Variants in PNKD observed in about 807,000 individuals in gnomAD.
PNKD encodes PNKD metallo-beta-lactamase domain containing.
PNKD carries 36 observed loss-of-function variants against 45.3 expected under a neutral mutation model. The ratio of observed to expected loss-of-function variants is 0.80; its 90% confidence interval spans 0.61 to 1.05. The LOEUF (loss-of-function observed/expected upper bound fraction) is 1.05, where lower values mean the gene tolerates loss of function less well. PNKD is among the 50% of genes least tolerant of loss of function. The pLI is 0.00. For missense variants in PNKD, 511 were observed against 506.6 expected (o/e 1.01, Z -0.08); for synonymous variants, 197 against 210.1 (o/e 0.94, Z 0.54).
intron 2 of PNKD, among the ~76,000 whole-genome samples, chr2:218,298,586 T>C (rs78757285): frequency 0.037 from 5,599 of 152,284 alleles, 115 homozygotes; most frequent in African/African-American, 0.048. Context: ...TTATTGTTGT[T>C]TGTGAGATAG....
At chr2:218,301,641 G>A (rs921081535) in intron 2 of PNKD, among the ~76,000 whole-genome samples, 2 of 152,108 alleles carry the variant, frequency 1.3e-5, no homozygotes, top group Admixed American at 1.3e-4. Flanking sequence ...TAAAACATTA[G>A]CTGGGCATGG....
chr2:218,288,830 A>G (rs1207651309), intron 2 of PNKD, among the ~76,000 whole-genome samples: 1 of 152,070 alleles, frequency 6.6e-6, no homozygotes, highest in Admixed American at 6.6e-5. Flanking sequence ...GAGGGAAGGA[A>G]ATTGTCAAAA....
intron 2 of PNKD, among the ~76,000 whole-genome samples, chr2:218,281,737 G>C (rs77010107): frequency 0.033 from 5,047 of 152,316 alleles, 85 homozygotes; most frequent in African/African-American, 0.039. Flanking sequence ...TTGAACAAAG[G>C]GGGCAGCAAG....
chr2:218,277,726 G>A lies in PNKD; in HGVS notation c.236+6177G>A, dbSNP rs558025244. ...ACTTAAAAAGGAAGGAAGGCAGGGT[G>A]CTGGGGGAGTGGCCATGGTGGCCTC... On this transcript the variant is annotated intron_variant, in intron 2 of 9. Transcript: ENST00000273077. 6.8e-6 allele frequency: 11 copies of A among 1,609,270 alleles called. No individual in the cohort carries two copies. In the East Asian group the frequency reaches 1.1e-4, roughly 16 times the overall value.
At chr2:218,308,562 T>TC (rs1693489071) in intron 2 of PNKD, among the ~76,000 whole-genome samples, 1 of 151,694 alleles carries the variant, frequency 6.6e-6, no homozygotes, top group Non-Finnish European at 1.5e-5. Flanking sequence ...CAGTTTTGTG[T>TC]CCTATTTTTT....
intron 2 of PNKD, chr2:218,292,402 A>G (rs1692994339): frequency 1.3e-5 from 2 of 152,218 alleles, no homozygotes; most frequent in African/African-American, 2.4e-5. Flanking sequence ...TGGCCGCCCC[A>G]GCCCTGGACC....
chr2:218,331,335 A>G (rs1694312041), intron 2 of PNKD, among the ~76,000 whole-genome samples: 1 of 151,538 alleles, frequency 6.6e-6, no homozygotes, highest in African/African-American at 2.4e-5. Flanking sequence ...TGAACCCGGG[A>G]GGCGGTGGTT....
At chr2:218,309,137 C>T (rs1235197792) in intron 2 of PNKD, among the ~76,000 whole-genome samples, 1 of 151,894 alleles carries the variant, frequency 6.6e-6, no homozygotes, top group East Asian at 1.9e-4. Flanking sequence ...GTAGCTGGGA[C>T]TACAGGCACC....
chr2:218,283,911 A>C (rs1692269662), intron 2 of PNKD: 1 of 152,266 alleles, frequency 6.6e-6, no homozygotes. Context: ...TCACGCCTGT[A>C]ATCCCAGCAC....
chr2:218,344,383 G>A (rs983917214), intron 8 of PNKD, 72 bp from the exon 9 acceptor site: 6 of 1,136,880 alleles, frequency 5.3e-6, no homozygotes, highest in African/African-American at 1.5e-5. Flanking sequence ...TGGACCTGGG[G>A]CAGGGAAGAC....
At chr2:218,314,254 C>A (rs1421134337) in intron 2 of PNKD, among the ~76,000 whole-genome samples, 1 of 100,278 alleles carries the variant, frequency 1.0e-5, no homozygotes, top group Admixed American at 1.4e-4. Flanking sequence ...GAGACAGAGT[C>A]TCTGTCTCCC....
intron 2 of PNKD, chr2:218,278,192 G>A (rs1279433091): frequency 1.6e-6 from 1 of 618,048 alleles, no homozygotes; most frequent in African/African-American, 1.8e-5. Context: ...GAAACACCTG[G>A]ATTGGTTTGC....
At chr2:218,322,885 A>G (rs1484254646) in intron 2 of PNKD, among the ~76,000 whole-genome samples, 2 of 152,204 alleles carry the variant, frequency 1.3e-5, no homozygotes, top group African/African-American at 2.4e-5. Flanking sequence ...GACCCCGATG[A>G]TCTCTCAGGT....
chr2:218,295,249 T>C (rs1352412239), intron 2 of PNKD, among the ~76,000 whole-genome samples: 2 of 152,222 alleles, frequency 1.3e-5, no homozygotes, highest in African/African-American at 4.8e-5. Flanking sequence ...TAAGTAAGCT[T>C]TTATTGTCTG....
At chr2:218,280,141 C>G (rs1691732833) in intron 2 of PNKD, 1 of 1,592,422 alleles carries the variant, frequency 6.3e-7, no homozygotes, top group South Asian at 1.1e-5. Flanking sequence ...GGACAGATGA[C>G]ACTTGACTCA....
chr2:218,340,801 T>C lies in PNKD; in HGVS notation c.524+15T>C. ...CACAAGCACTGGTAAGGGGCTCCCGTCTTCCCTGGCCCACCCTTGTCCCAG... is the reference window on the plus strand; with the variant it reads ...CACAAGCACTGGTAAGGGGCTCCCGCCTTCCCTGGCCCACCCTTGTCCCAG... On this transcript the variant is annotated intron_variant, in intron 5 of 9. Transcript: ENST00000273077. The surrounding 1 kb of genome is among the most constrained non-coding windows in gnomAD (Gnocchi z 4.2). 1 of 1,610,590 alleles carries C rather than the reference T, an allele frequency of 6.2e-7. No homozygotes were observed. Among genetic ancestry groups the C allele is most frequent in the Non-Finnish European group, 8.5e-7 (1 of 1,176,736 alleles).
intron 2 of PNKD, among the ~76,000 whole-genome samples, chr2:218,304,547 T>G (rs1693360623): frequency 6.6e-6 from 1 of 152,180 alleles, no homozygotes; most frequent in African/African-American, 2.4e-5. Flanking sequence ...CCGGTAGCCT[T>G]GCAGAGCACT....
intron 2 of PNKD, among the ~76,000 whole-genome samples, chr2:218,313,876 CGTT>C (rs1693684597): frequency 6.8e-6 from 1 of 147,784 alleles, no homozygotes; most frequent in Non-Finnish European, 1.5e-5. Flanking sequence ...AATCAAATCT[CGTT>C]GTTTAACTGC....
Position 218,340,047 on chromosome 2 carries a change from T to A in PNKD, c.371T>A (p.Ile124Asn), listed in dbSNP as rs762861678. The A allele has an allele frequency of 6.2e-7, 1 of 1,612,778 alleles. No homozygotes were observed. The highest frequency in any genetic ancestry group is 1.3e-5 in the African/African-American group (1 of 74,968). ...TCCCCAGGAGTGAAGGTGCTTCCCATCCCTGTCCTCTCGGACAACTACAGC... is the reference window on the plus strand; with the variant it reads ...TCCCCAGGAGTGAAGGTGCTTCCCAACCCTGTCCTCTCGGACAACTACAGC... ...RLFNGVKVLP[I>N]PVLSDNYSYL... is the part of the protein sequence containing the mutation. Residue 124 changes from isoleucine (I) to asparagine (N), a missense_variant, in exon 4 of 10, where the codon ATC (isoleucine) becomes AAC (asparagine). Transcript: ENST00000273077. This position sits in a 1 kb window ranked among gnomAD's most constrained non-coding sequence, Gnocchi z 4.2.
Sources: gnomAD v4.1 joint callset for allele counts (sites outside exome capture counted in the v4.1 genomes callset) on GRCh38, gnomAD v4.1.1 for gene constraint, Gnocchi (gnomAD v3.1) non-coding constraint, MANE v1.5 for transcripts, NCBI Gene and HGNC (gene_info 2026-07-23, HGNC 2026-07-21) for gene names.